Variants in KSR2 observed in about 807,000 individuals in gnomAD.
KSR2 encodes kinase suppressor of ras 2.
A neutral mutation model predicts 107.8 loss-of-function variants in KSR2; 25 were observed. The observed-to-expected ratio is 0.23, with a 90% CI of 0.17 to 0.32. KSR2 has a LOEUF of 0.32. Ranked by LOEUF, KSR2 falls within the 10% of genes least tolerant of loss-of-function variation. The probability of loss-of-function intolerance (pLI) is 1.00; values close to 1 mark genes in which losing one functional copy is unlikely to be tolerated. For missense variants in KSR2, 887 were observed against 1,268.9 expected (o/e 0.70, Z 4.57); for synonymous variants, 480 against 507.0 (o/e 0.95, Z 0.71).
At chr12:117,487,868 A>T (rs2137148146) in intron 14 of KSR2, among the ~76,000 whole-genome samples, 1 of 152,228 alleles carries the variant, frequency 6.6e-6, no homozygotes. Flanking sequence ...TGGAGAAACT[A>T]CCGCACCAGT....
chr12:117,953,966 T>C (rs1210856519), intron 1 of KSR2, among the ~76,000 whole-genome samples: 1 of 152,030 alleles, frequency 6.6e-6, no homozygotes, highest in East Asian at 1.9e-4. Flanking sequence ...GGTGTGCACC[T>C]GTAGTCCCAG....
chr12:117,508,869 G>A (rs1873861106), intron 14 of KSR2, among the ~76,000 whole-genome samples: 1 of 147,202 alleles, frequency 6.8e-6, no homozygotes. Flanking sequence ...AAGGTGGGTA[G>A]ATGGATAGAT....
At chr12:117,936,530 TTATTAGTAGTAGTAGTAG>T (rs1207761518) in intron 1 of KSR2, among the ~76,000 whole-genome samples, 5 of 115,318 alleles carry the variant, frequency 4.3e-5, no homozygotes, top group East Asian at 2.7e-4. Flanking sequence ...ATTATTATTA[TTATTAGTAGTAGTAGTAG>T]TAGTAGTAGT....
chr12:117,693,513 G>T lies in KSR2; in HGVS notation c.987-25855C>A, dbSNP rs1885920263. Among the ~76,000 whole-genome samples the T allele has an allele frequency of 2.6e-5, 4 of 152,178 alleles. No homozygotes were observed. In the South Asian group the frequency reaches 6.2e-4, roughly 24 times the overall value. Reference sequence around the variant, plus strand: ...CTCAGGTCACTGAAGATGGGTGGCTGCTTCAAAAGACCACCTCAAGGTCTG... The same window carrying T: ...CTCAGGTCACTGAAGATGGGTGGCTTCTTCAAAAGACCACCTCAAGGTCTG... On this transcript the variant is annotated intron_variant, in intron 4 of 19. Transcript: ENST00000339824.
intron 3 of KSR2, among the ~76,000 whole-genome samples, chr12:117,781,215 A>G (rs1384927709): frequency 6.6e-6 from 1 of 152,188 alleles, no homozygotes; most frequent in Non-Finnish European, 1.5e-5. Context: ...CATGATCGTG[A>G]GGCCTCCCAG....
intron 1 of KSR2, among the ~76,000 whole-genome samples, chr12:117,930,070 A>C (rs1330376330): frequency 6.6e-6 from 1 of 151,908 alleles, no homozygotes; most frequent in Non-Finnish European, 1.5e-5. Flanking sequence ...TTTGAGACAG[A>C]GTCTCACTCT....
chr12:117,659,725 G>C (rs1288222237), intron 5 of KSR2, among the ~76,000 whole-genome samples: 4 of 152,148 alleles, frequency 2.6e-5, no homozygotes, highest in Non-Finnish European at 5.9e-5. Context: ...GATTTCTGAG[G>C]CCCTTTCCAG....
chr12:117,552,656 T>C (rs1724897277), intron 9 of KSR2, among the ~76,000 whole-genome samples: 1 of 152,226 alleles, frequency 6.6e-6, no homozygotes, highest in African/African-American at 2.4e-5. Context: ...AAAGAGCCTC[T>C]AAATCAGGGG....
intron 1 of KSR2, among the ~76,000 whole-genome samples, chr12:117,930,049 A>T (rs921516062): frequency 2.6e-5 from 4 of 152,018 alleles, no homozygotes; most frequent in South Asian, 2.1e-4. Flanking sequence ...ATTTAAAAAA[A>T]ATTTTTTTTT....
intron 4 of KSR2, among the ~76,000 whole-genome samples, chr12:117,722,498 A>G (rs1887251509): frequency 6.6e-6 from 1 of 152,240 alleles, no homozygotes; most frequent in East Asian, 1.9e-4. Flanking sequence ...AAACCCATCA[A>G]AACCAAGATG....
At chr12:117,925,855 A>G (rs1895500229) in intron 1 of KSR2, among the ~76,000 whole-genome samples, 1 of 152,166 alleles carries the variant, frequency 6.6e-6, no homozygotes. Flanking sequence ...GACAGGGCCC[A>G]ATGTAGCCTT....
intron 3 of KSR2, among the ~76,000 whole-genome samples, chr12:117,831,711 A>C (rs1359758136): frequency 2.0e-5 from 3 of 152,164 alleles, no homozygotes; most frequent in Non-Finnish European, 4.4e-5. Context: ...CCTCAAAACA[A>C]CCCAAGAGGT....
chr12:117,759,093 C>T (rs940378324), intron 4 of KSR2, among the ~76,000 whole-genome samples: 3 of 152,202 alleles, frequency 2.0e-5, no homozygotes, highest in Admixed American at 1.3e-4. Context: ...ATGCATTCTA[C>T]GTCTTCAAGC....
chr12:117,814,391 AAAAT>A (rs1014843371), intron 3 of KSR2, among the ~76,000 whole-genome samples: 91 of 152,280 alleles, frequency 6.0e-4, no homozygotes, highest in African/African-American at 2.2e-3. Flanking sequence ...ATGTCAATTA[AAAAT>A]AAATAAATAA....
chr12:117,658,184 C>G (rs1884267124), intron 5 of KSR2, among the ~76,000 whole-genome samples: 1 of 152,224 alleles, frequency 6.6e-6, no homozygotes, highest in South Asian at 2.1e-4. Flanking sequence ...TCTGGCATGA[C>G]ACGTTAAGGA....
chr12:117,811,917 C>T (rs769027865), intron 3 of KSR2, among the ~76,000 whole-genome samples: 2 of 152,216 alleles, frequency 1.3e-5, no homozygotes, highest in Non-Finnish European at 2.9e-5. Flanking sequence ...TCACAACCTG[C>T]CTGCTGCCTG....
In KSR2 at chr12:117,476,316, C is replaced by T. The variant is rs1186489625; in HGVS notation, c.2582+148G>A. 8.0e-6 allele frequency: 7 copies of T among 872,706 alleles called. No homozygotes were observed. The East Asian group carries it at 1.5e-4, about 18-fold the overall frequency. The allele number at this position is 872,706 out of a possible 1,614,324, so 54.1% of individuals were successfully genotyped here. A position where few individuals can be genotyped will look rare whatever the true frequency, so the allele number is the denominator to read the frequency against. ...GGGTCATTCTTTCTAGTATACCCTA[C>T]TCAGGTTCCTCCATTCTCACCCAAA... On this transcript the variant is annotated intron_variant, in intron 17 of 19. Coordinates refer to ENST00000339824, the MANE Select transcript of KSR2 (RefSeq NM_173598.6).
chr12:117,673,034 A>G (rs532808918), intron 4 of KSR2, among the ~76,000 whole-genome samples: 2 of 152,330 alleles, frequency 1.3e-5, no homozygotes, highest in East Asian at 3.9e-4. Context: ...CCCTGACAGG[A>G]GCCTTGAGGC....
In KSR2 at chr12:117,840,448, T is replaced by C. The variant is rs189023782; in HGVS notation, c.472+14980A>G. Among the ~76,000 whole-genome samples the C allele has an allele frequency of 5.6e-3, 858 of 152,058 alleles. 10 individuals carry two copies. The highest frequency in any genetic ancestry group is 0.02 in the African/African-American group (832 of 41,486). On this transcript the variant is annotated intron_variant, in intron 3 of 19. Transcript: ENST00000339824. ...TCTTGCTCTGTTGCCCAGGCTGGAG[T>C]GCAGTGGCATGATCTCAGCTTACTG... is the stretch of plus-strand genomic sequence containing the variant.
Sources: gnomAD v4.1 joint callset for allele counts (sites outside exome capture counted in the v4.1 genomes callset) on GRCh38, gnomAD v4.1.1 for gene constraint, MANE v1.5 for transcripts, NCBI Gene and HGNC (gene_info 2026-07-23, HGNC 2026-07-21) for gene names.